The following TTR variants were observed in gnomAD, a reference collection of about 807,000 sequenced individuals.
TTR encodes the protein epididymis luminal protein 111.
Under a neutral mutation model 13.7 loss-of-function variants are expected in TTR, and 8 were observed. The ratio of observed to expected loss-of-function variants is 0.58; its 90% confidence interval spans 0.34 to 1.05. The LOEUF (loss-of-function observed/expected upper bound fraction) is 1.05. TTR is among the 50% of genes least tolerant of loss of function. The pLI is 0.02. For missense variants in TTR, 135 were observed against 185.5 expected (o/e 0.73, Z 1.58); for synonymous variants, 75 against 71.7 (o/e 1.05, Z -0.23).
chr18:31,595,887 C>T (rs926034470), intron 3 of TTR: 1 of 177,994 alleles, frequency 5.6e-6, no homozygotes, highest in South Asian at 1.2e-4. Context: ...ACCAGGAAGT[C>T]AAATAACTTG....
chr18:31,596,886 C>T (rs900289745), intron 3 of TTR, among the ~76,000 whole-genome samples: 12 of 152,246 alleles, frequency 7.9e-5, no homozygotes, highest in East Asian at 3.9e-4. Flanking sequence ...ACTTTGGTGA[C>T]GGGTGCGTGG....
intron 3 of TTR, chr18:31,596,204 A>G (rs1211264550): frequency 6.5e-6 from 1 of 154,444 alleles, no homozygotes; most frequent in African/African-American, 2.4e-5. Context: ...GTTAAAGATC[A>G]ACTAATTCCA....
Position 31,595,164 on chromosome 18 carries a change from A to G in TTR, c.245A>G (p.Glu82Gly). Reference protein sequence around the residue: ...SGELHGLTTEEEFVEGIYKVE... With the variant: ...SGELHGLTTEGEFVEGIYKVE... Reference sequence around the variant, plus strand: ...GAGCTGCATGGGCTCACAACTGAGGAGGAATTTGTAGAAGGGATATACAAA... The same window carrying G: ...GAGCTGCATGGGCTCACAACTGAGGGGGAATTTGTAGAAGGGATATACAAA... The change falls in exon 3 of 4, where the codon GAG (glutamate) becomes GGG (glycine). Residue 82 changes from glutamate to glycine, a missense_variant. Physicochemically the swap from Glu to Gly is moderately conservative, Grantham distance 98. Transcript: ENST00000237014. 1 of 1,614,168 alleles carries G rather than the reference A, an allele frequency of 6.2e-7. No homozygotes were observed.
Position 31,591,959 on chromosome 18 carries a change from G to T in TTR, c.57G>T (p.Glu19Asp). The change falls in exon 1 of 4, where the codon GAG becomes GAT. Residue 19 changes from glutamate (E) to aspartate (D), a missense_variant. Physicochemically the swap from Glu to Asp is conservative, Grantham distance 45. Coordinates refer to ENST00000237014, the MANE Select transcript of TTR (RefSeq NM_000371.4). ...TTGCTGGACTGGTATTTGTGTCTGAGGCTGGCCCTACGGTGAGTGTTTCTG... is the reference window on the plus strand; with the variant it reads ...TTGCTGGACTGGTATTTGTGTCTGATGCTGGCCCTACGGTGAGTGTTTCTG... ...LCLAGLVFVSEAGPTGTGESK... is the reference protein window; with the variant it reads ...LCLAGLVFVSDAGPTGTGESK... The T allele has an allele frequency of 6.2e-7, 1 of 1,614,114 alleles. No homozygotes were observed. The highest frequency in any genetic ancestry group is 8.5e-7 in the Non-Finnish European group (1 of 1,180,016).
intron 3 of TTR, chr18:31,598,330 C>T (rs1598846533): frequency 1.4e-5 from 9 of 627,588 alleles, no homozygotes; most frequent in East Asian, 1.2e-4. Context: ...TCCTGACTTT[C>T]GGCGTGAATT....
chr18:31,596,451 C>T (rs1320108840), intron 3 of TTR, among the ~76,000 whole-genome samples: 5 of 152,078 alleles, frequency 3.3e-5, no homozygotes, highest in Non-Finnish European at 4.4e-5. Context: ...AGCAGGGTTT[C>T]GGCGGCGCCC....
At chr18:31,597,707 C>G (rs2073523831) in intron 3 of TTR, among the ~76,000 whole-genome samples, 1 of 152,158 alleles carries the variant, frequency 6.6e-6, no homozygotes, top group Non-Finnish European at 1.5e-5. Context: ...CTGTCTTCTA[C>G]CTCTTTCCTG....
intron 3 of TTR, chr18:31,595,650 T>C: frequency 2.8e-6 from 1 of 363,128 alleles, no homozygotes. Flanking sequence ...CCAAAACACA[T>C]CTGGCTTCTC....
At chr18:31,594,082 G>C (rs943957114) in intron 2 of TTR, among the ~76,000 whole-genome samples, 2 of 152,016 alleles carry the variant, frequency 1.3e-5, no homozygotes, top group African/African-American at 4.8e-5. Context: ...TTCTAAGGGA[G>C]AGACAGAATG....
chr18:31,596,693 C>T (rs568809469), intron 3 of TTR, among the ~76,000 whole-genome samples: 3 of 150,892 alleles, frequency 2.0e-5, no homozygotes, highest in Admixed American at 6.6e-5. Flanking sequence ...AAAAAGCATT[C>T]TATGTGTGGA....
At chr18:31,594,339 T>G (rs555873078) in intron 2 of TTR, among the ~76,000 whole-genome samples, 2 of 152,310 alleles carry the variant, frequency 1.3e-5, no homozygotes, top group East Asian at 1.9e-4. Context: ...TCAGAGAGGT[T>G]AAATATATAA....
chr18:31,595,762 A>C, intron 3 of TTR: 2 of 315,532 alleles, frequency 6.3e-6, no homozygotes, highest in Non-Finnish European at 1.2e-5. Flanking sequence ...AGCATACACC[A>C]TGTGGCAGAC....
rs1294297409 is a variant in TTR at position 31,592,996 on chromosome 18, C to A, written c.170C>A (p.Ala57Asp). Reference sequence around the variant, plus strand: ...GCCGTGCATGTGTTCAGAAAGGCTGCTGATGACACCTGGGAGCCATTTGCC... The same window carrying A: ...GCCGTGCATGTGTTCAGAAAGGCTGATGATGACACCTGGGAGCCATTTGCC... ...NVAVHVFRKA[A>D]DDTWEPFASG... is the part of the protein sequence containing the mutation. Residue 57 changes from alanine to aspartate, a missense_variant, in exon 2 of 4, where the codon GCT (alanine) becomes GAT (aspartate). By Grantham distance (126) the Ala-to-Asp change is moderately radical. Coordinates refer to ENST00000237014, the MANE Select transcript of TTR (RefSeq NM_000371.4). 1.9e-6 allele frequency: 3 copies of A among 1,614,056 alleles called. No homozygotes were observed. The highest frequency in any genetic ancestry group is 4.5e-5 in the East Asian group (2 of 44,880).
At chr18:31,593,133 T>C in intron 2 of TTR, 107 bp downstream of exon 2, 1 of 1,558,046 alleles carries the variant, frequency 6.4e-7, no homozygotes, top group Middle Eastern at 2.2e-4. Flanking sequence ...TACAAGTAGA[T>C]TGAAAAACGT....
intron 3 of TTR, 103 bp from the exon 4 acceptor site, chr18:31,598,465 A>C: frequency 9.1e-7 from 1 of 1,104,010 alleles, no homozygotes; most frequent in Non-Finnish European, 1.4e-6. Flanking sequence ...AAAAGAATAA[A>C]ATTAATTAAG....
intron 3 of TTR, chr18:31,596,153 G>A (rs1414757855): frequency 6.5e-6 from 1 of 154,484 alleles, no homozygotes; most frequent in Non-Finnish European, 1.5e-5. Context: ...ATTTGAAACA[G>A]ATGGCTGTCA....
At chr18:31,595,439 G>C in intron 3 of TTR, 184 bp downstream of exon 3, 1 of 813,342 alleles carries the variant, frequency 1.2e-6, no homozygotes. Flanking sequence ...ATTTCTTTTT[G>C]ACTTTGATGA....
At chr18:31,597,778 G>A (rs1448705494) in intron 3 of TTR, among the ~76,000 whole-genome samples, 2 of 152,098 alleles carry the variant, frequency 1.3e-5, no homozygotes, top group Admixed American at 6.6e-5. Context: ...CACCTGAGTC[G>A]CAGATATTCT....
In TTR at chr18:31,591,902, G is replaced by C. The variant is rs769343676; in HGVS notation, c.-1G>C. 3.5e-5 allele frequency: 57 copies of C among 1,614,024 alleles called. No homozygotes were observed. Among genetic ancestry groups the C allele is most frequent in the Non-Finnish European group, 4.7e-5 (55 of 1,180,032 alleles). ...ACAGAAGTCCACTCATTCTTGGCAG[G>C]ATGGCTTCTCATCGTCTGCTCCTCC... is the stretch of plus-strand genomic sequence containing the variant. On this transcript the variant is annotated 5_prime_UTR_variant, in exon 1 of 4. Coordinates refer to ENST00000237014, the MANE Select transcript of TTR (RefSeq NM_000371.4).
Sources: gnomAD v4.1 joint callset for allele counts (sites outside exome capture counted in the v4.1 genomes callset) on GRCh38, gnomAD v4.1.1 for gene constraint, MANE v1.5 for transcripts, NCBI Gene and HGNC (gene_info 2026-07-23, HGNC 2026-07-21) for gene names.